TEX11: variants seen among roughly 807,000 people sequenced by gnomAD.
TEX11 encodes the protein testis-expressed protein 11.
TEX11 carries 7 observed loss-of-function variants against 84.4 expected under a neutral mutation model. The observed-to-expected ratio is 0.08, with a 90% CI of 0.05 to 0.16. The LOEUF is 0.16. TEX11 is among the 10% of genes least tolerant of loss of function. The pLI is 1.00. For missense variants in TEX11, 551 were observed against 660.5 expected (o/e 0.83, Z 1.82); for synonymous variants, 264 against 222.8 (o/e 1.18, Z -1.64).
intron 9 of TEX11, among the ~76,000 whole-genome samples, chrX:70,754,813 G>A (rs754837438): frequency 8.9e-6 from 1 of 111,792 alleles, no homozygotes; most frequent in East Asian, 2.8e-4. Flanking sequence ...GAAAGTAAGG[G>A]AAGAAAACAA....
At chrX:70,827,900 C>T (rs925703540) in intron 8 of TEX11, among the ~76,000 whole-genome samples, 36 of 111,303 alleles carry the variant, frequency 3.2e-4, no homozygotes, top group Non-Finnish European at 5.7e-5. Flanking sequence ...GCTTGCATCA[C>T]CACACCCCCA....
chrX:70,605,364 C>A, intron 24 of TEX11, 37 bp downstream of exon 24: 1 of 970,479 alleles, frequency 1.0e-6, no homozygotes, highest in Non-Finnish European at 1.5e-6. Flanking sequence ...AAATAGCACA[C>A]TGAACTCTTG....
chrX:70,897,686 A>G (rs1416800846), intron 2 of TEX11: 15 of 36,152 alleles, frequency 4.1e-4, no homozygotes, highest in Non-Finnish European at 7.4e-4. Flanking sequence ...AGAAAAAGAA[A>G]GAAAGAAAGA....
intron 9 of TEX11, among the ~76,000 whole-genome samples, chrX:70,780,797 G>A (rs150618686): frequency 0.011 from 1,241 of 112,473 alleles, 15 homozygotes; most frequent in African/African-American, 0.039. Flanking sequence ...TAAACAAAGC[G>A]GCTGGGAAGC....
intron 13 of TEX11, among the ~76,000 whole-genome samples, chrX:70,713,998 T>C (rs780376124): frequency 8.9e-6 from 1 of 112,093 alleles, no homozygotes; most frequent in African/African-American, 3.2e-5. Flanking sequence ...TGTGTCTTTG[T>C]TCTCATTGGT....
At chrX:70,660,024 G>C (rs1410806806) in intron 16 of TEX11, among the ~76,000 whole-genome samples, 3 of 112,208 alleles carry the variant, frequency 2.7e-5, no homozygotes, top group African/African-American at 9.7e-5. Flanking sequence ...GCATGTGACT[G>C]TACTGAATAC....
chrX:70,679,158 C>A (rs985797083), intron 14 of TEX11, among the ~76,000 whole-genome samples: 9 of 112,955 alleles, frequency 8.0e-5, no homozygotes, highest in African/African-American at 2.9e-4. Flanking sequence ...CTGGGCTGGT[C>A]TCCAGCTCCT....
intron 15 of TEX11, among the ~76,000 whole-genome samples, chrX:70,676,789 T>A (rs2090075716): frequency 8.9e-6 from 1 of 112,039 alleles, no homozygotes; most frequent in Admixed American, 9.4e-5. Context: ...TCCCTGTGTA[T>A]TTCATTTTCA....
intron 28 of TEX11, among the ~76,000 whole-genome samples, chrX:70,531,738 T>C (rs2087890963): frequency 9.0e-6 from 1 of 111,722 alleles, no homozygotes; most frequent in South Asian, 3.8e-4. Context: ...TGGTGATGGT[T>C]GCACAATCTT....
intron 7 of TEX11, among the ~76,000 whole-genome samples, chrX:70,844,833 G>A (rs1328326479): frequency 9.1e-6 from 1 of 109,724 alleles, no homozygotes; most frequent in Non-Finnish European, 1.9e-5. Flanking sequence ...TACCTCCCAG[G>A]CTGAGGCATG....
chrX:70,738,923 G>T (rs2090715351), intron 11 of TEX11, among the ~76,000 whole-genome samples: 2 of 110,261 alleles, frequency 1.8e-5, no homozygotes, highest in African/African-American at 6.6e-5. Context: ...CACAGGGAGG[G>T]GAACATCCAC....
chrX:70,639,540 C>G (rs1302714196), intron 17 of TEX11, among the ~76,000 whole-genome samples: 1 of 111,978 alleles, frequency 8.9e-6, no homozygotes, highest in African/African-American at 3.2e-5. Context: ...TTGAAGAGAG[C>G]AGGGGTTCTC....
chrX:70,566,847 A>C (rs1301505130), intron 25 of TEX11, among the ~76,000 whole-genome samples: 2 of 111,632 alleles, frequency 1.8e-5, no homozygotes, highest in African/African-American at 6.5e-5. Flanking sequence ...TTCTTCAAGG[A>C]TATTGGTCTA....
chrX:70,873,060 G>C (rs2091637585), intron 4 of TEX11, among the ~76,000 whole-genome samples, 163 bp downstream of exon 4: 1 of 111,175 alleles, frequency 9.0e-6, no homozygotes, highest in African/African-American at 3.3e-5. Flanking sequence ...TAAAACTGAG[G>C]GAGGCCATTT....
chrX:70,581,838 T>A (rs1188089782), intron 25 of TEX11, among the ~76,000 whole-genome samples: 1 of 111,565 alleles, frequency 9.0e-6, no homozygotes, highest in Non-Finnish European at 1.9e-5. Flanking sequence ...TTAAAACAAG[T>A]GGTTGAGATT....
chrX:70,858,264 A>G (rs1034207656), intron 5 of TEX11, among the ~76,000 whole-genome samples: 1 of 108,851 alleles, frequency 9.2e-6, no homozygotes, highest in African/African-American at 3.3e-5. Context: ...CCTGGCCAAG[A>G]TGGTAAAACT....
At chrX:70,753,870 A>G (rs1386187793) in intron 9 of TEX11, among the ~76,000 whole-genome samples, 1 of 110,655 alleles carries the variant, frequency 9.0e-6, no homozygotes, top group Non-Finnish European at 1.9e-5. Context: ...CTTGAAGGAA[A>G]GGACCTAGTT....
At chrX:70,625,245 G>A (rs1038149210) in intron 18 of TEX11, among the ~76,000 whole-genome samples, 3 of 110,596 alleles carry the variant, frequency 2.7e-5, no homozygotes, top group Non-Finnish European at 3.8e-5. Flanking sequence ...ACCCCAGATT[G>A]TCAGGTCACC....
rs369300410 is a variant in TEX11, at chrX:70,824,776, C to G, written c.606+8737G>C. On this transcript the variant is annotated intron_variant, in intron 8 of 29. Transcript: ENST00000374333. ...AGGAATCTCAACCTAATTTACATAA[C>G]AAAAACTTTGATAACTGAGCTAACA... Among the ~76,000 whole-genome samples, 8 of 111,623 alleles carry G rather than the reference C, an allele frequency of 7.2e-5. No homozygotes were observed. In the South Asian group the frequency reaches 2.2e-3, roughly 31 times the overall value.
Sources: allele counts gnomAD v4.1 joint callset (sites outside exome capture counted in the v4.1 genomes callset), GRCh38; gene constraint gnomAD v4.1.1; transcripts MANE v1.5; gene names NCBI Gene and HGNC (gene_info 2026-07-23, HGNC 2026-07-21).